FRMPD3: variants seen among roughly 807,000 people sequenced by gnomAD.
FRMPD3 encodes FERM and PDZ domain-containing protein 3.
FRMPD3 carries 42 observed loss-of-function variants against 97.9 expected under a neutral mutation model. The observed-to-expected ratio is 0.43, with a 90% CI of 0.34 to 0.55. The LOEUF is 0.55. Ranked by LOEUF, FRMPD3 falls within the 20% of genes least tolerant of loss-of-function variation. The pLI is 0.03. For synonymous variants in FRMPD3, 577 were observed against 581.1 expected, an observed-to-expected ratio of 0.99 and a Z score of 0.10; for missense variants, 1,303 against 1,457.7, an observed-to-expected ratio of 0.89 and a Z score of 1.73.
At chrX:107,581,448 G>C (rs1272308425) in intron 13 of FRMPD3, among the ~76,000 whole-genome samples, 2 of 108,985 alleles carry the variant, frequency 1.8e-5, no homozygotes, top group Non-Finnish European at 3.8e-5. Context: ...TTCATCATGT[G>C]CCCAGAGCTG....
At chrX:107,524,341 C>T (rs1922611003) in intron 1 of FRMPD3, among the ~76,000 whole-genome samples, 2 of 112,214 alleles carry the variant, frequency 1.8e-5, no homozygotes, top group Admixed American at 1.9e-4. Context: ...GAGTGACTTT[C>T]TATTGAAAAG....
intron 14 of FRMPD3, among the ~76,000 whole-genome samples, chrX:107,599,832 T>A (rs1236618301): frequency 9.1e-6 from 1 of 110,336 alleles, no homozygotes; most frequent in African/African-American, 3.3e-5. Flanking sequence ...CAGCCCTGCA[T>A]TCTCGCCAGG....
chrX:107,542,186 C>G (rs903818784), intron 4 of FRMPD3, among the ~76,000 whole-genome samples: 1 of 112,620 alleles, frequency 8.9e-6, no homozygotes, highest in African/African-American at 3.2e-5. Flanking sequence ...TCTGCCTCAG[C>G]CTGCAGCCCC....
In FRMPD3 at chrX:107,553,529, C is replaced by G. The variant is rs1254032003; in HGVS notation, c.642+603C>G. Among the ~76,000 whole-genome samples the G allele has an allele frequency of 4.5e-5, 5 of 110,574 alleles. No individual in the cohort carries two copies. In the Admixed American group the frequency reaches 4.8e-4, roughly 11 times the overall value. ...TCTACAGTGAAGCACCAAGAAGTGT[C>G]AGAGATGCAATCAAAGCCAATCAGT... is the stretch of plus-strand genomic sequence containing the variant. On this transcript the variant is annotated intron_variant, in intron 7 of 14. Coordinates refer to ENST00000683843, the MANE Select transcript of FRMPD3 (RefSeq NM_001388459.1).
chrX:107,594,835 C>T (rs1421746849), intron 13 of FRMPD3, among the ~76,000 whole-genome samples: 4 of 109,488 alleles, frequency 3.7e-5, no homozygotes, highest in African/African-American at 1.0e-4. Context: ...GAGCTGAGTT[C>T]GTGCCATTGC....
At chrX:107,594,850 C>A (rs1924093464) in intron 13 of FRMPD3, among the ~76,000 whole-genome samples, 1 of 110,943 alleles carries the variant, frequency 9.0e-6, no homozygotes, top group African/African-American at 3.3e-5. Context: ...CATTGCACTC[C>A]ACCCTGGGCA....
intron 12 of FRMPD3, among the ~76,000 whole-genome samples, chrX:107,566,536 G>A (rs1922611024): frequency 8.9e-6 from 1 of 112,323 alleles, no homozygotes; most frequent in Non-Finnish European, 1.9e-5. Flanking sequence ...ATGCAGGGGA[G>A]ATGTGGCTTC....
chrX:107,507,676 C>A (rs1288875420), intron 1 of FRMPD3, among the ~76,000 whole-genome samples: 2 of 112,588 alleles, frequency 1.8e-5, no homozygotes, highest in South Asian at 3.7e-4. Flanking sequence ...GCACCAATCA[C>A]AGAAATGTTA....
At chrX:107,521,415 G>A (rs1922504410) in intron 1 of FRMPD3, among the ~76,000 whole-genome samples, 1 of 112,292 alleles carries the variant, frequency 8.9e-6, no homozygotes, top group Non-Finnish European at 1.9e-5. Flanking sequence ...CTTTGCTCCA[G>A]ACCTACTGCA....
At chrX:107,453,693 C>A (rs115731054) in intron 1 of FRMPD3, among the ~76,000 whole-genome samples, 5,979 of 111,499 alleles carry the variant, frequency 0.054, 397 homozygotes, top group African/African-American at 0.19. Context: ...GAGAAACATG[C>A]CATTTTCCCT....
At chrX:107,491,928 C>T (rs565262587) in intron 1 of FRMPD3, among the ~76,000 whole-genome samples, 1 of 110,063 alleles carries the variant, frequency 9.1e-6, no homozygotes, top group African/African-American at 3.3e-5. Flanking sequence ...TAGGACTTTA[C>T]AGAGTAATTG....
At chrX:107,462,238 A>G (rs1294860606) in intron 1 of FRMPD3, among the ~76,000 whole-genome samples, 2 of 111,961 alleles carry the variant, frequency 1.8e-5, no homozygotes, top group Admixed American at 9.5e-5. Flanking sequence ...TTCCACCACA[A>G]TTCAACACTT....
intron 1 of FRMPD3, among the ~76,000 whole-genome samples, chrX:107,520,493 A>T (rs1377487476): frequency 1.1e-4 from 12 of 109,011 alleles, no homozygotes; most frequent in African/African-American, 4.0e-4. Flanking sequence ...TACAAAAAAA[A>T]AAAAACACAC....
chrX:107,501,248 A>C (rs1921896704), intron 1 of FRMPD3, among the ~76,000 whole-genome samples: 1 of 108,130 alleles, frequency 9.2e-6, no homozygotes, highest in Admixed American at 1.0e-4. Flanking sequence ...GAGGCATGGA[A>C]GCTAGGGCCA....
chrX:107,580,210 T>C (rs1202258876), intron 13 of FRMPD3, among the ~76,000 whole-genome samples: 1 of 112,244 alleles, frequency 8.9e-6, no homozygotes, highest in East Asian at 2.8e-4. Flanking sequence ...TAGTCAGTCT[T>C]CTGAGTGACT....
At chrX:107,576,177 C>A in intron 12 of FRMPD3, 138 bp from the exon 13 acceptor site, 1 of 565,068 alleles carries the variant, frequency 1.8e-6, no homozygotes, top group Non-Finnish European at 2.8e-6. Flanking sequence ...TTTGTCAAGC[C>A]ATGTGCCTCA....
At chrX:107,562,172 G>A (rs746586604) in intron 10 of FRMPD3, among the ~76,000 whole-genome samples, 2 of 112,420 alleles carry the variant, frequency 1.8e-5, no homozygotes, top group Non-Finnish European at 3.8e-5. Context: ...AGAGATATGA[G>A]AAACCATGGT....
At chrX:107,545,702 A>G in intron 4 of FRMPD3, 35 bp from the exon 5 acceptor site, 1 of 1,108,686 alleles carries the variant, frequency 9.0e-7, no homozygotes, top group South Asian at 1.9e-5. Context: ...TTCCCTAGAT[A>G]TGGAGAACTC....
At chrX:107,498,182 A>G (rs1305961503) in intron 1 of FRMPD3, among the ~76,000 whole-genome samples, 1 of 112,716 alleles carries the variant, frequency 8.9e-6, no homozygotes, top group Non-Finnish European at 1.9e-5. Flanking sequence ...TTTCCTGTTA[A>G]TGGCTCTCAA....
Sources: allele counts gnomAD v4.1 joint callset (sites outside exome capture counted in the v4.1 genomes callset), GRCh38; gene constraint gnomAD v4.1.1; transcripts MANE v1.5; gene names NCBI Gene and HGNC (gene_info 2026-07-23, HGNC 2026-07-21).